Variants in PLCXD3 observed in about 807,000 individuals in gnomAD.
PLCXD3 encodes the protein PI-PLC X domain-containing protein 3.
In PLCXD3, 19 loss-of-function variants were observed where a neutral mutation model predicts 25.5. The ratio of observed to expected loss-of-function variants is 0.75; its 90% CI spans 0.52 to 1.09. The LOEUF (loss-of-function observed/expected upper bound fraction) is 1.09. Ranked by LOEUF, PLCXD3 falls within the 50% of genes least tolerant of loss-of-function variation. The pLI is 0.00. For synonymous variants in PLCXD3, 174 were observed against 137.6 expected (o/e 1.26, Z -1.85); for missense variants, 411 against 388.1 (o/e 1.06, Z -0.50).
chr5:41,339,615 G>C (rs1173206000), intron 2 of PLCXD3, among the ~76,000 whole-genome samples: 2 of 151,998 alleles, frequency 1.3e-5, no homozygotes, highest in Non-Finnish European at 2.9e-5. Context: ...GCTCACTTTA[G>C]CTTTAAGTAA....
intron 1 of PLCXD3, among the ~76,000 whole-genome samples, chr5:41,463,809 C>T (rs1469090708): frequency 6.6e-6 from 1 of 151,812 alleles, no homozygotes; most frequent in East Asian, 1.9e-4. Flanking sequence ...CTACGAATGG[C>T]CTTTACCTTC....
chr5:41,481,145 A>G (rs1259779007), intron 1 of PLCXD3, among the ~76,000 whole-genome samples: 1 of 151,736 alleles, frequency 6.6e-6, no homozygotes, highest in Non-Finnish European at 1.5e-5. Flanking sequence ...AGGGAAAAAA[A>G]GCTTGGACAT....
chr5:41,474,832 T>C (rs1346214458), intron 1 of PLCXD3, among the ~76,000 whole-genome samples: 1 of 152,214 alleles, frequency 6.6e-6, no homozygotes, highest in Non-Finnish European at 1.5e-5. Flanking sequence ...CCATGTATCC[T>C]GTTGGCAAAG....
intron 2 of PLCXD3, among the ~76,000 whole-genome samples, chr5:41,329,847 C>A (rs1427672981): frequency 2.4e-5 from 3 of 125,570 alleles, no homozygotes; most frequent in African/African-American, 5.7e-5. Context: ...AGTTGATTAT[C>A]ATTTTATTAA....
chr5:41,469,341 T>A (rs1005090354), intron 1 of PLCXD3, among the ~76,000 whole-genome samples: 23 of 152,178 alleles, frequency 1.5e-4, no homozygotes, highest in Admixed American at 1.5e-3. Flanking sequence ...AATTTTCTTT[T>A]CTTGTAGTCT....
At chr5:41,341,160 T>A (rs190140544) in intron 2 of PLCXD3, among the ~76,000 whole-genome samples, 2 of 152,314 alleles carry the variant, frequency 1.3e-5, no homozygotes, top group African/African-American at 4.8e-5. Flanking sequence ...TAATACCATA[T>A]ATAGTTGACT....
chr5:41,499,160 T>TA (rs1056899361), intron 1 of PLCXD3, among the ~76,000 whole-genome samples: 10 of 150,658 alleles, frequency 6.6e-5, no homozygotes, highest in Admixed American at 1.3e-4. Flanking sequence ...GCAGTTAGGT[T>TA]AGAAAAAACA....
At chr5:41,418,254 T>C (rs887618012) in intron 1 of PLCXD3, among the ~76,000 whole-genome samples, 1 of 152,174 alleles carries the variant, frequency 6.6e-6, no homozygotes, top group African/African-American at 2.4e-5. Flanking sequence ...ACAAGTGCAT[T>C]AATAAGAGGA....
intron 1 of PLCXD3, chr5:41,456,649 C>T (rs1417958476): frequency 3.3e-5 from 15 of 455,368 alleles, no homozygotes; most frequent in Non-Finnish European, 4.3e-5. Context: ...GGAGGTTGGG[C>T]CTTTGGAAGA....
intron 1 of PLCXD3, among the ~76,000 whole-genome samples, chr5:41,427,903 T>G (rs1428795731): frequency 6.6e-6 from 1 of 152,192 alleles, no homozygotes; most frequent in African/African-American, 2.4e-5. Context: ...TATTTTTTAA[T>G]GTAATCAAAA....
intron 1 of PLCXD3, among the ~76,000 whole-genome samples, chr5:41,492,995 G>C (rs1487528591): frequency 6.6e-6 from 1 of 152,242 alleles, no homozygotes; most frequent in Non-Finnish European, 1.5e-5. Flanking sequence ...CTTTGGAGGA[G>C]GAGAGGCGCT....
intron 2 of PLCXD3, among the ~76,000 whole-genome samples, chr5:41,316,367 C>T (rs951877700): frequency 2.0e-5 from 3 of 152,186 alleles, no homozygotes; most frequent in Non-Finnish European, 4.4e-5. Context: ...TATCCAGGTA[C>T]TACATCTTGG....
At chr5:41,481,986 G>A (rs1748424625) in intron 1 of PLCXD3, among the ~76,000 whole-genome samples, 1 of 152,158 alleles carries the variant, frequency 6.6e-6, no homozygotes. Flanking sequence ...CATTTACAGT[G>A]TAAGGACGTA....
At position 41,462,469 on chromosome 5, in the gene PLCXD3, A is replaced by G. The variant is rs568862970; in HGVS notation, c.103+47955T>C. ...ATATACACTTGGGACTTATTTTCAT[A>G]TAAGTATTTTTCAATACTATAGGAG... On this transcript the variant is annotated intron_variant, in intron 1 of 2. Coordinates refer to ENST00000377801, the MANE Select transcript of PLCXD3 (RefSeq NM_001005473.3). 1.2e-4 allele frequency among the ~76,000 whole-genome samples: 18 copies of G among 152,134 alleles called. 1 individual carries two copies. Among genetic ancestry groups the G allele is most frequent in the Admixed American group, 5.9e-4 (9 of 15,274 alleles).
intron 2 of PLCXD3, among the ~76,000 whole-genome samples, chr5:41,343,925 C>A (rs372416926): frequency 2.6e-5 from 4 of 152,064 alleles, no homozygotes; most frequent in African/African-American, 9.7e-5. Flanking sequence ...ATTCTTCACA[C>A]CTCAGGCTTC....
At position 41,311,695 on chromosome 5, in the gene PLCXD3, A is replaced by G. The variant is rs535540304; in HGVS notation, c.*1922T>C. 3 of 152,296 alleles carry G rather than the reference A, an allele frequency of 2.0e-5. No individual in the cohort carries two copies. Among genetic ancestry groups the G allele is most frequent in the African/African-American group, 7.2e-5 (3 of 41,576 alleles). 9.4% of individuals were successfully genotyped at this position (152,296 alleles called of 1,614,324 possible). On this transcript the variant is annotated 3_prime_UTR_variant, in exon 3 of 3. Transcript: ENST00000377801. The stretch of plus-strand genomic sequence containing the variant: ...TACCACAGGTACATACACACTCCTC[A>G]TAAACATTCTCTTCAGTATAAACAA...
intron 1 of PLCXD3, among the ~76,000 whole-genome samples, chr5:41,420,649 T>A (rs573313910): frequency 1.3e-5 from 2 of 152,308 alleles, no homozygotes; most frequent in Admixed American, 6.5e-5. Context: ...TTTCTTCTGC[T>A]TCTCAGTGAC....
intron 1 of PLCXD3, among the ~76,000 whole-genome samples, chr5:41,454,821 C>G (rs1747717711): frequency 6.6e-6 from 1 of 151,940 alleles, no homozygotes; most frequent in African/African-American, 2.4e-5. Context: ...TGTTTTCATA[C>G]TGCTATGAAG....
intron 2 of PLCXD3, among the ~76,000 whole-genome samples, chr5:41,335,327 T>C (rs1399062437): frequency 2.0e-5 from 3 of 152,184 alleles, no homozygotes; most frequent in Non-Finnish European, 2.9e-5. Flanking sequence ...ATCCTTTGGC[T>C]CTCAGTAGTT....
Sources: gnomAD v4.1 joint callset for allele counts (sites outside exome capture counted in the v4.1 genomes callset) on GRCh38, gnomAD v4.1.1 for gene constraint, MANE v1.5 for transcripts, NCBI Gene and HGNC (gene_info 2026-07-23, HGNC 2026-07-21) for gene names.